The following OSBPL8 variants were observed in gnomAD, a reference collection of about 807,000 sequenced individuals.
OSBPL8 encodes oxysterol-binding protein-related protein 8.
Under a neutral mutation model 125.5 loss-of-function variants are expected in OSBPL8, and 59 were observed. The ratio of observed to expected loss-of-function variants is 0.47; its 90% confidence interval spans 0.38 to 0.58. The LOEUF is 0.58. Ranked by LOEUF, OSBPL8 falls within the 20% of genes least tolerant of loss-of-function variation. The probability of loss-of-function intolerance (pLI) is 0.00; values close to 1 mark genes in which losing one functional copy is unlikely to be tolerated. For missense variants in OSBPL8, 758 were observed against 1,047.8 expected (o/e 0.72, Z 3.82); for synonymous variants, 330 against 338.9 (o/e 0.97, Z 0.29).
At chr12:76,540,272 G>A (rs530047620) in intron 1 of OSBPL8, among the ~76,000 whole-genome samples, 62 of 152,088 alleles carry the variant, frequency 4.1e-4, no homozygotes, top group Admixed American at 1.7e-3. Flanking sequence ...AACACAAAAG[G>A]GTTAAGTGAC....
At chr12:76,473,410 A>G (rs1357008972) in intron 2 of OSBPL8, among the ~76,000 whole-genome samples, 2 of 152,150 alleles carry the variant, frequency 1.3e-5, no homozygotes, top group Non-Finnish European at 2.9e-5. Context: ...CCTTTTATCT[A>G]GATTTCACAA....
intron 1 of OSBPL8, among the ~76,000 whole-genome samples, chr12:76,518,973 A>G (rs1881813920): frequency 6.6e-6 from 1 of 152,206 alleles, no homozygotes; most frequent in Admixed American, 6.5e-5. Flanking sequence ...GGATATTAGC[A>G]CTTGGCTCCC....
chr12:76,535,388 A>C (rs893795523), intron 1 of OSBPL8, among the ~76,000 whole-genome samples: 2 of 152,210 alleles, frequency 1.3e-5, no homozygotes, highest in African/African-American at 4.8e-5. Context: ...CGAAACGCAA[A>C]TGAAAAACCA....
At chr12:76,546,580 T>C (rs898087672) in intron 1 of OSBPL8, among the ~76,000 whole-genome samples, 1 of 152,272 alleles carries the variant, frequency 6.6e-6, no homozygotes, top group East Asian at 1.9e-4. Context: ...TGTTTGAAGA[T>C]TCTATTTAAA....
At chr12:76,483,299 A>C (rs1029979628) in intron 2 of OSBPL8, among the ~76,000 whole-genome samples, 1 of 151,028 alleles carries the variant, frequency 6.6e-6, no homozygotes. Flanking sequence ...GCAGTGGCTC[A>C]TGTCTGTAAT....
chr12:76,490,854 C>A (rs1489743677), intron 1 of OSBPL8, among the ~76,000 whole-genome samples: 1 of 152,236 alleles, frequency 6.6e-6, no homozygotes, highest in African/African-American at 2.4e-5. Context: ...CCCTCTGGGG[C>A]TTCAGGAGTC....
intron 1 of OSBPL8, among the ~76,000 whole-genome samples, chr12:76,507,570 A>G (rs894707089): frequency 2.0e-5 from 3 of 151,738 alleles, no homozygotes; most frequent in African/African-American, 7.3e-5. Flanking sequence ...CTGTAATCCC[A>G]GCAGTTTGGG....
rs185904536 is a variant in OSBPL8 at position 76,399,790 on chromosome 12, T to C, written c.468+83A>G. The C allele has an allele frequency of 2.4e-4, 238 of 1,009,084 alleles. 2 individuals carry two copies. Among genetic ancestry groups the C allele is most frequent in the Admixed American group, 9.4e-4 (34 of 36,122 alleles). 62.5% of individuals were successfully genotyped at this position (1,009,084 alleles called of 1,614,324 possible). ...CATTTTAGGAGCTGTTTTTGTCTTGTAGGCGTTAGGTATACTCCAGGCTTT... is the reference window on the plus strand; with the variant it reads ...CATTTTAGGAGCTGTTTTTGTCTTGCAGGCGTTAGGTATACTCCAGGCTTT... On this transcript the variant is annotated intron_variant, in intron 7 of 23. Transcript: ENST00000261183.
chr12:76,490,328 G>A (rs762600278), intron 1 of OSBPL8, among the ~76,000 whole-genome samples: 2 of 152,184 alleles, frequency 1.3e-5, no homozygotes, highest in Non-Finnish European at 2.9e-5. Context: ...CTGTTTTCCG[G>A]CTCGAATGTT....
chr12:76,466,752 AG>A, intron 2 of OSBPL8, among the ~76,000 whole-genome samples: 1 of 152,248 alleles, frequency 6.6e-6, no homozygotes, highest in East Asian at 1.9e-4. Context: ...TGAGGTCAGG[AG>A]TTCGAGAACA....
intron 5 of OSBPL8, 102 bp from the exon 6 acceptor site, chr12:76,402,868 T>C: frequency 2.6e-6 from 2 of 772,662 alleles, no homozygotes; most frequent in Non-Finnish European, 4.2e-6. Flanking sequence ...CATTTATTGC[T>C]ATGATTTAAG....
At chr12:76,470,270 G>A (rs185092969) in intron 2 of OSBPL8, among the ~76,000 whole-genome samples, 12 of 152,260 alleles carry the variant, frequency 7.9e-5, no homozygotes, top group Non-Finnish European at 1.5e-4. Context: ...CCCACTAAAA[G>A]AATTAAAGCT....
At chr12:76,383,477 C>G (rs1403873) in intron 15 of OSBPL8, among the ~76,000 whole-genome samples, 148,708 of 151,852 alleles carry the variant, frequency 0.98, 72,898 homozygotes, top group Middle Eastern at 1. Flanking sequence ...ATACACACCA[C>G]GTTCCTGATC....
At chr12:76,391,020 C>A (rs2136295552) in intron 10 of OSBPL8, among the ~76,000 whole-genome samples, 1 of 152,212 alleles carries the variant, frequency 6.6e-6, no homozygotes, top group East Asian at 1.9e-4. Flanking sequence ...TCACTTGCAT[C>A]AATCTCACTG....
rs964401142 is a variant in OSBPL8, at chr12:76,389,538, C to A, written c.1352+107G>T. 12 of 881,210 alleles carry A rather than the reference C, an allele frequency of 1.4e-5. No homozygotes were observed. The African/African-American group carries it at 1.7e-4, about 13-fold the overall frequency. 54.6% of individuals were successfully genotyped at this position (881,210 alleles called of 1,614,324 possible). A position where few individuals can be genotyped will look rare whatever the true frequency, so the allele number is the denominator to read the frequency against. ...AGTGGTAGAGAACAGAGAGTGATGT[C>A]TCATTAGAGCCTGATTTTGGAAACA... On this transcript the variant is annotated intron_variant, in intron 12 of 23. Coordinates refer to ENST00000261183, the MANE Select transcript of OSBPL8 (RefSeq NM_020841.5).
Position 76,378,052 on chromosome 12 carries a change from T to G in OSBPL8, c.1729+400A>C, listed in dbSNP as rs967168060. Among the ~76,000 whole-genome samples, 3 of 152,048 alleles carry G rather than the reference T, an allele frequency of 2.0e-5. No individual in the cohort carries two copies. In the East Asian group the frequency reaches 5.8e-4, roughly 29 times the overall value. ...AATTGCCAAATGAGGGTGAGAAAAA[T>G]CTTTAAAAAACTTGGTACATTAAAA... On this transcript the variant is annotated intron_variant, in intron 16 of 23. Coordinates refer to ENST00000261183, the MANE Select transcript of OSBPL8 (RefSeq NM_020841.5).
At chr12:76,530,145 T>C (rs2137329683) in intron 1 of OSBPL8, among the ~76,000 whole-genome samples, 1 of 151,872 alleles carries the variant, frequency 6.6e-6, no homozygotes. Flanking sequence ...TCTCAAACTA[T>C]TGGAAACAAG....
intron 1 of OSBPL8, among the ~76,000 whole-genome samples, chr12:76,536,253 G>A (rs1221847041): frequency 1.3e-5 from 2 of 152,120 alleles, no homozygotes; most frequent in South Asian, 2.1e-4. Flanking sequence ...TTGGGAAGGC[G>A]AGTCGGGCAG....
intron 19 of OSBPL8, among the ~76,000 whole-genome samples, chr12:76,370,382 T>A (rs1952574938): frequency 6.6e-6 from 1 of 152,206 alleles, no homozygotes; most frequent in Non-Finnish European, 1.5e-5. Flanking sequence ...CAGAAAAGAC[T>A]ACTGAGGTAA....
Sources: allele counts gnomAD v4.1 joint callset (sites outside exome capture counted in the v4.1 genomes callset), GRCh38; gene constraint gnomAD v4.1.1; transcripts MANE v1.5; gene names NCBI Gene and HGNC (gene_info 2026-07-23, HGNC 2026-07-21).